TNFSF10: variants seen among roughly 807,000 people sequenced by gnomAD.
TNFSF10 encodes the protein tumor necrosis factor ligand superfamily member 10.
In TNFSF10, 13 loss-of-function variants were observed where a neutral mutation model predicts 29.5. That is an observed-to-expected ratio of 0.44 (90% CI 0.29 to 0.70). The LOEUF is 0.70. TNFSF10 is among the 30% of genes least tolerant of loss of function. TNFSF10 has a pLI of 0.13. For synonymous variants in TNFSF10, 111 were observed against 112.8 expected (o/e 0.98, Z 0.10); for missense variants, 345 against 330.9 (o/e 1.04, Z -0.33).
intron 1 of TNFSF10, chr3:172,518,154 C>G (rs768997407): frequency 5.2e-5 from 56 of 1,077,968 alleles, no homozygotes; most frequent in Non-Finnish European, 6.2e-5. Context: ...TATTCTCTAA[C>G]TAACCACACT....
At position 172,521,755 on chromosome 3, in the gene TNFSF10, T is replaced by C. The variant is rs187537822; in HGVS notation, c.132+1498A>G. Among the ~76,000 whole-genome samples, 505 of 152,356 alleles carry C rather than the reference T, an allele frequency of 3.3e-3. 4 individuals are homozygous for C. The highest frequency in any genetic ancestry group is 0.012 in the African/African-American group (479 of 41,576). ...AAGACACATGCACACATATGTTTATTCCAGCACCATTTACAATAGCAAAGA... is the reference window on the plus strand; with the variant it reads ...AAGACACATGCACACATATGTTTATCCCAGCACCATTTACAATAGCAAAGA... On this transcript the variant is annotated intron_variant, in intron 1 of 4. Transcript: ENST00000241261.
intron 1 of TNFSF10, among the ~76,000 whole-genome samples, chr3:172,520,038 G>C (rs909471675): frequency 1.3e-5 from 2 of 152,208 alleles, no homozygotes; most frequent in African/African-American, 4.8e-5. Flanking sequence ...ATTATTTCTT[G>C]TCTCCTCGTC....
At position 172,510,644 on chromosome 3, in the gene TNFSF10, C is replaced by A. The variant is rs541145370; in HGVS notation, c.313+973G>T. 4.0e-5 allele frequency among the ~76,000 whole-genome samples: 6 copies of A among 151,714 alleles called. No homozygotes were observed. The East Asian group carries it at 9.7e-4, about 24-fold the overall frequency. On this transcript the variant is annotated intron_variant, in intron 3 of 4. Coordinates refer to ENST00000241261, the MANE Select transcript of TNFSF10 (RefSeq NM_003810.4). ...ATGAATAACAAAGAATTTTATTCTT[C>A]CAACACTGAAAACAGTACATGCATC...
In TNFSF10 at chr3:172,515,003, G is replaced by A; in HGVS notation, c.133-5C>T. 1 of 1,614,042 alleles carries A rather than the reference G, an allele frequency of 6.2e-7. No homozygotes were observed. The highest frequency in any genetic ancestry group is 8.5e-7 in the Non-Finnish European group (1 of 1,179,994). On this transcript the variant is annotated splice_polypyrimidine_tract_variant and splice_region_variant and intron_variant, in intron 1 of 4. Transcript: ENST00000241261. ...TTTGGAGTACTTGTCCTGCATCTGG[G>A]TTGAGATGGAATATAACACAATATT...
In TNFSF10 at chr3:172,523,197, G is replaced by A; in HGVS notation, c.132+56C>T. 2.6e-6 allele frequency: 4 copies of A among 1,517,202 alleles called. No individual in the cohort carries two copies. The South Asian group carries it at 3.9e-5, about 15-fold the overall frequency. The allele number at this position is 1,517,202 out of a possible 1,614,324, so 94.0% of individuals were successfully genotyped here. ...GGGCAAGCTGACATGCAAAGAAGCA[G>A]GTAACCAGACATTTGCTAAGCGCCT... On this transcript the variant is annotated intron_variant, in intron 1 of 4. Coordinates refer to ENST00000241261, the MANE Select transcript of TNFSF10 (RefSeq NM_003810.4).
chr3:172,522,479 C>T, intron 1 of TNFSF10: 1 of 1,241,412 alleles, frequency 8.1e-7, no homozygotes, highest in Non-Finnish European at 1.2e-6. Flanking sequence ...GAATCTCTTA[C>T]TGTGCACCTT....
At chr3:172,510,778 A>G (rs1713186644) in intron 3 of TNFSF10, among the ~76,000 whole-genome samples, 2 of 152,008 alleles carry the variant, frequency 1.3e-5, no homozygotes, top group African/African-American at 4.8e-5. Context: ...GAAGGCTTAG[A>G]CCCCAGGAAC....
intron 1 of TNFSF10, chr3:172,522,536 G>A (rs948106967): frequency 3.2e-6 from 2 of 622,826 alleles, no homozygotes; most frequent in Non-Finnish European, 2.8e-6. Context: ...TGAACCAACG[G>A]TAATTGAGGA....
rs140214406 is a variant in TNFSF10, at chr3:172,514,869, C to T, written c.262G>A (p.Val88Ile). 72 of 1,614,180 alleles carry T rather than the reference C, an allele frequency of 4.5e-5. No individual in the cohort carries two copies. The highest frequency in any genetic ancestry group is 3.3e-4 in the African/African-American group (25 of 75,054). The change falls in exon 2 of 5, where the codon GTT becomes ATT. Residue 88 changes from valine to isoleucine, a missense_variant. Val to Ile is a conservative substitution (Grantham distance 29, BLOSUM62 3). Coordinates refer to ENST00000241261, the MANE Select transcript of TNFSF10 (RefSeq NM_003810.4). ...WQVKWQLRQLVRKMILRTSEE... is the reference protein window; with the variant it reads ...WQVKWQLRQLIRKMILRTSEE... ...CTGGTGAGGTTACCTACCTTTCTAA[C>T]GAGCTGACGGAGTTGCCACTTGACT...
At chr3:172,511,577 T>C (rs1713226447) in intron 3 of TNFSF10, 40 bp downstream of exon 3, 1 of 1,533,168 alleles carries the variant, frequency 6.5e-7, no homozygotes, top group East Asian at 2.3e-5. Flanking sequence ...GTCATGAAGA[T>C]GACAGTAAAA....
chr3:172,506,811 A>G lies in TNFSF10; in HGVS notation c.527T>C (p.Ile176Thr). 3 of 1,614,144 alleles carry G rather than the reference A, an allele frequency of 1.9e-6. No homozygotes were observed. The highest frequency in any genetic ancestry group is 2.5e-6 in the Non-Finnish European group (3 of 1,180,026). Residue 176 changes from isoleucine to threonine, a missense_variant, in exon 5 of 5, where the codon ATC becomes ACC. Transcript: ENST00000241261. ...NLHLRNGELV[I>T]HEKGFYYIYS... Reference sequence around the variant, plus strand: ...GATGTAGTAAAACCCTTTTTCATGGATGACCAGTTCACCATTCCTCAAGTG... The same window carrying G: ...GATGTAGTAAAACCCTTTTTCATGGGTGACCAGTTCACCATTCCTCAAGTG...
intron 1 of TNFSF10, among the ~76,000 whole-genome samples, chr3:172,520,822 C>T (rs760181654): frequency 4.6e-5 from 7 of 152,094 alleles, no homozygotes; most frequent in Non-Finnish European, 1.0e-4. Flanking sequence ...GCTACAGTTA[C>T]CAAAACAGCA....
At chr3:172,514,645 C>G (rs1418339845) in intron 2 of TNFSF10, among the ~76,000 whole-genome samples, 2 of 152,170 alleles carry the variant, frequency 1.3e-5, no homozygotes, top group Non-Finnish European at 2.9e-5. Context: ...GGAATGAACT[C>G]TAGACCAGGA....
rs1234864892 is a variant in TNFSF10, at chr3:172,507,190, C to A, written c.419-271G>T. ...TCAGCTGCTTATGCCACATGTGTCA[C>A]ACTTAGAATGGTAGCACAAGGGATG... On this transcript the variant is annotated intron_variant, in intron 4 of 4. Coordinates refer to ENST00000241261, the MANE Select transcript of TNFSF10 (RefSeq NM_003810.4). The A allele has an allele frequency of 7.2e-6, 3 of 416,880 alleles. No individual in the cohort carries two copies. In the East Asian group the frequency reaches 1.3e-4, roughly 18 times the overall value. 25.8% of individuals were successfully genotyped at this position (416,880 alleles called of 1,614,324 possible).
At chr3:172,522,872 T>A (rs1560149241) in intron 1 of TNFSF10, among the ~76,000 whole-genome samples, 1 of 152,188 alleles carries the variant, frequency 6.6e-6, no homozygotes. Context: ...CTTTTTCAAT[T>A]GAATGTGCAC....
intron 1 of TNFSF10, among the ~76,000 whole-genome samples, 193 bp downstream of exon 1, chr3:172,523,060 C>G (rs908611752): frequency 1.2e-4 from 19 of 152,192 alleles, no homozygotes; most frequent in Non-Finnish European, 1.5e-5. Flanking sequence ...TGTAACTGCA[C>G]TTAGTTTACA....
At chr3:172,520,038 G>A (rs909471675) in intron 1 of TNFSF10, among the ~76,000 whole-genome samples, 1 of 152,208 alleles carries the variant, frequency 6.6e-6, no homozygotes, top group Non-Finnish European at 1.5e-5. Flanking sequence ...ATTATTTCTT[G>A]TCTCCTCGTC....
At position 172,514,891 on chromosome 3, in the gene TNFSF10, G is replaced by A. The variant is rs1385828723; in HGVS notation, c.240C>T (p.Val80=). Residue 80 remains valine, a synonymous_variant, in exon 2 of 5, where the codon GTC becomes GTT. Transcript: ENST00000241261. ...TAACGAGCTGACGGAGTTGCCACTT[G>A]ACTTGCCAGCAGGGGCTGTTCATAC... is the stretch of plus-strand genomic sequence containing the variant. ...EESMNSPCWQ[V]KWQLRQLVRK... is the part of the protein sequence containing the mutation. The A allele has an allele frequency of 6.8e-6, 11 of 1,614,072 alleles. No homozygotes were observed. The Admixed American group carries it at 1.7e-4, about 24-fold the overall frequency.
chr3:172,506,980 C>CT lies in TNFSF10; in HGVS notation c.419-62dup, dbSNP rs3832247. The CT allele has an allele frequency of 8.4e-5, 13 of 154,154 alleles. 1 individual carries two copies. The South Asian group carries it at 1.4e-3, about 16-fold the overall frequency. 9.5% of individuals were successfully genotyped at this position (154,154 alleles called of 1,614,324 possible). On this transcript the variant is annotated intron_variant, in intron 4 of 4. Coordinates refer to ENST00000241261, the MANE Select transcript of TNFSF10 (RefSeq NM_003810.4). ...AGGGAATTTGTAGCAAAGCAAGGAGCTTTTTTGCAGCTGTGGCCAGCCTAT... is the reference window on the plus strand; with the variant it reads ...AGGGAATTTGTAGCAAAGCAAGGAGCTTTTTTTGCAGCTGTGGCCAGCCTAT...
Sources: allele counts gnomAD v4.1 joint callset (sites outside exome capture counted in the v4.1 genomes callset), GRCh38; gene constraint gnomAD v4.1.1; transcripts MANE v1.5; gene names NCBI Gene and HGNC (gene_info 2026-07-23, HGNC 2026-07-21).